The following RTCA variants were observed in gnomAD, a reference collection of about 807,000 sequenced individuals.
RTCA encodes the protein RNA terminal phosphate cyclase domain 1.
Under a neutral mutation model 46.1 loss-of-function variants are expected in RTCA, and 37 were observed. The ratio of observed to expected loss-of-function variants is 0.80; its 90% CI spans 0.62 to 1.06. The LOEUF is 1.06. Ranked by LOEUF, RTCA falls within the 50% of genes least tolerant of loss-of-function variation. The probability of loss-of-function intolerance (pLI) is 0.00; values close to 1 mark genes in which losing one functional copy is unlikely to be tolerated. For synonymous variants in RTCA, 164 were observed against 158.3 expected (o/e 1.04, Z -0.27); for missense variants, 435 against 455.5 (o/e 0.95, Z 0.41).
rs1459892270 is a variant in RTCA, at chr1:100,276,636, C to T, written c.741-622C>T. The stretch of plus-strand genomic sequence containing the variant: ...ATGTTGCAGTGAGCTGAGATCACAC[C>T]ACTGCACTCCAGCCTGGCGACAAAG... On this transcript the variant is annotated intron_variant, in intron 7 of 10. Coordinates refer to ENST00000370128, the MANE Select transcript of RTCA (RefSeq NM_003729.4). 4.6e-5 allele frequency among the ~76,000 whole-genome samples: 7 copies of T among 152,070 alleles called. 1 individual carries two copies. The highest frequency in any genetic ancestry group is 1.7e-4 in the African/African-American group (7 of 41,380).
intron 4 of RTCA, among the ~76,000 whole-genome samples, chr1:100,272,839 G>A (rs1476394637): frequency 6.6e-6 from 1 of 152,100 alleles, no homozygotes; most frequent in Non-Finnish European, 1.5e-5. Flanking sequence ...ATTATATACT[G>A]TAATTATCAT....
chr1:100,268,728 T>C (rs1379272962), intron 3 of RTCA, among the ~76,000 whole-genome samples: 1 of 152,200 alleles, frequency 6.6e-6, no homozygotes, highest in African/African-American at 2.4e-5. Context: ...AAATTCATTA[T>C]TACTGATAGA....
chr1:100,283,935 GAAAAA>G (rs763030720), intron 8 of RTCA, among the ~76,000 whole-genome samples: 2 of 55,110 alleles, frequency 3.6e-5, no homozygotes, highest in African/African-American at 7.9e-5. Context: ...AAAAAAAAAA[GAAAAA>G]AAAAAAAAAG....
chr1:100,268,000 A>T lies in RTCA; in HGVS notation c.147-152A>T. The T allele has an allele frequency of 3.5e-6, 4 of 1,130,578 alleles. No individual in the cohort carries two copies. The South Asian group carries it at 6.6e-5, about 19-fold the overall frequency. The allele number at this position is 1,130,578 out of a possible 1,614,324, so 70.0% of individuals were successfully genotyped here. A position where few individuals can be genotyped will look rare whatever the true frequency, so the allele number is the denominator to read the frequency against. ...CTAGCAGGTAGTCTAGGTGCATAAA[A>T]ACCCAAAAGGAAGCTGACACTGAAG... On this transcript the variant is annotated intron_variant, in intron 2 of 10. Transcript: ENST00000370128.
chr1:100,277,361 A>C (rs1342700894), intron 8 of RTCA, 45 bp downstream of exon 8: 2 of 1,491,338 alleles, frequency 1.3e-6, no homozygotes, highest in Non-Finnish European at 1.8e-6. Context: ...GCTACTGCAG[A>C]ATTCTTTAAT....
At chr1:100,286,001 CCT>C (rs1667002258) in intron 9 of RTCA, among the ~76,000 whole-genome samples, 1 of 152,102 alleles carries the variant, frequency 6.6e-6, no homozygotes, top group African/African-American at 2.4e-5. Flanking sequence ...GTAGTTGCTC[CCT>C]CTCTTAGTTT....
intron 2 of RTCA, chr1:100,267,653 T>TG (rs1665862828): frequency 1.8e-6 from 2 of 1,124,032 alleles, no homozygotes; most frequent in Admixed American, 7.2e-5. Flanking sequence ...ATGTTCTAGT[T>TG]TTTTTTTTTT....
At position 100,291,283 on chromosome 1, in the gene RTCA, C is replaced by A. The variant is rs1272957670; in HGVS notation, c.1000-120C>A. 1.8e-5 allele frequency: 11 copies of A among 609,554 alleles called. 1 individual carries two copies. The East Asian group carries it at 3.0e-4, about 17-fold the overall frequency. 37.8% of individuals were successfully genotyped at this position (609,554 alleles called of 1,614,324 possible). A position where few individuals can be genotyped will look rare whatever the true frequency, so the allele number is the denominator to read the frequency against. On this transcript the variant is annotated intron_variant, in intron 10 of 10. Coordinates refer to ENST00000370128, the MANE Select transcript of RTCA (RefSeq NM_003729.4). ...CTCATCAATCATTTGATCTTTGTGT[C>A]TCTGTAGGTTTTTCAATAAAATGGG...
chr1:100,274,780 G>C, intron 5 of RTCA, 44 bp from the exon 6 acceptor site: 1 of 1,553,998 alleles, frequency 6.4e-7, no homozygotes, highest in Non-Finnish European at 8.8e-7. Context: ...CTTTGTTTTT[G>C]TCATGCAATC....
At position 100,272,676 on chromosome 1, in the gene RTCA, A is replaced by G. The variant is rs140267165; in HGVS notation, c.415-718A>G. ...TCTTTCTCTGAAATATTGCCATTCT[A>G]ATAGATGGTATAATCTTTTCAAAGT... On this transcript the variant is annotated intron_variant, in intron 4 of 10. Transcript: ENST00000370128. 4.6e-3 allele frequency among the ~76,000 whole-genome samples: 701 copies of G among 152,270 alleles called. 2 individuals carry two copies. The highest frequency in any genetic ancestry group is 0.015 in the African/African-American group (641 of 41,542).
Position 100,266,617 on chromosome 1 carries a change from G to T in RTCA, c.139G>T (p.Gly47Cys), listed in dbSNP as rs1451805696. 1 of 1,611,442 alleles carries T rather than the reference G, an allele frequency of 6.2e-7. No individual in the cohort carries two copies. Among genetic ancestry groups the T allele is most frequent in the East Asian group, 2.2e-5 (1 of 44,770 alleles). The change falls in exon 2 of 11, where the codon GGC (glycine) becomes TGC (cysteine). Residue 47 changes from glycine to cysteine, a missense_variant. Transcript: ENST00000370128. ...QKIRAGRSTP[G>C]LRPQHLSGLE... ...GATCCGAGCCGGCCGGAGCACGCCA[G>T]GCCTGAGGTAAATCTGGCTGGAGGG...
intron 10 of RTCA, among the ~76,000 whole-genome samples, chr1:100,287,962 T>A (rs747478499): frequency 3.9e-5 from 6 of 152,050 alleles, no homozygotes; most frequent in Non-Finnish European, 5.9e-5. Context: ...CCTGGCTAAT[T>A]TTTCTAATTT....
chr1:100,275,779 T>C, intron 7 of RTCA, 56 bp downstream of exon 7: 1 of 1,437,466 alleles, frequency 7.0e-7, no homozygotes. Flanking sequence ...AGTTATCTAA[T>C]TAAATTAAAG....
At chr1:100,283,630 A>G (rs897321868) in intron 8 of RTCA, among the ~76,000 whole-genome samples, 9 of 152,182 alleles carry the variant, frequency 5.9e-5, no homozygotes, top group African/African-American at 2.2e-4. Context: ...ACTTTGCAGC[A>G]TAATTATTAT....
chr1:100,266,627 A>G lies in RTCA; in HGVS notation c.146+3A>G, dbSNP rs1159235234. The G allele has an allele frequency of 1.9e-6, 3 of 1,607,918 alleles. No homozygotes were observed. Among genetic ancestry groups the G allele is most frequent in the African/African-American group, 1.3e-5 (1 of 74,890 alleles). On this transcript the variant is annotated splice_donor_region_variant and intron_variant, in intron 2 of 10. Transcript: ENST00000370128. ...GGCCGGAGCACGCCAGGCCTGAGGT[A>G]AATCTGGCTGGAGGGGGAGTTGGGC...
intron 2 of RTCA, chr1:100,267,534 A>T: frequency 6.5e-7 from 1 of 1,545,770 alleles, no homozygotes; most frequent in Non-Finnish European, 8.8e-7. Flanking sequence ...CAAGGTCCTG[A>T]CAAGGTTGGT....
Position 100,277,265 on chromosome 1 carries a change from G to A in RTCA, c.748G>A (p.Ala250Thr). 6.2e-7 allele frequency: 1 copy of A among 1,612,692 alleles called. No homozygotes were observed. Among genetic ancestry groups the A allele is most frequent in the South Asian group, 1.1e-5 (1 of 90,792 alleles). Residue 250 changes from alanine to threonine, a missense_variant, in exon 8 of 11, where the codon GCT (alanine) becomes ACT (threonine). By Grantham distance (58) the Ala-to-Thr change is moderately conservative. Coordinates refer to ENST00000370128, the MANE Select transcript of RTCA (RefSeq NM_003729.4). ...ACTTTTTTTCTTGCATAGAATTATT[G>A]CTGAGACCTCCACTGGCTGTTTGTT... Reference protein sequence around the residue: ...FGNGNGIIIIAETSTGCLFAG... With the variant: ...FGNGNGIIIITETSTGCLFAG...
At chr1:100,270,716 T>A in intron 4 of RTCA, 36 bp downstream of exon 4, 2 of 1,604,922 alleles carry the variant, frequency 1.2e-6, no homozygotes, top group Non-Finnish European at 1.7e-6. Context: ...TAAGATGATC[T>A]CATACATGCT....
At chr1:100,270,320 T>G (rs536020375) in intron 3 of RTCA, among the ~76,000 whole-genome samples, 58 of 152,284 alleles carry the variant, frequency 3.8e-4, no homozygotes, top group African/African-American at 1.2e-3. Context: ...AGACCCAGGT[T>G]TGGTTATCAT....
Sources: gnomAD v4.1 joint callset for allele counts (sites outside exome capture counted in the v4.1 genomes callset) on GRCh38, gnomAD v4.1.1 for gene constraint, MANE v1.5 for transcripts, NCBI Gene and HGNC (gene_info 2026-07-23, HGNC 2026-07-21) for gene names.